KPNA7: variants seen among roughly 807,000 people sequenced by gnomAD.
The protein encoded by KPNA7 is karyopherin subunit alpha 7.
Under a neutral mutation model 53.7 loss-of-function variants are expected in KPNA7, and 54 were observed. The observed-to-expected ratio is 1.01, with a 90% confidence interval of 0.81 to 1.26. The LOEUF (loss-of-function observed/expected upper bound fraction) is 1.26, where lower values mean the gene tolerates loss of function less well. Among genes scored for constraint, KPNA7 ranks in the 50% most tolerant of loss-of-function variants. The probability of loss-of-function intolerance (pLI) is 0.00; values close to 1 mark genes in which losing one functional copy is unlikely to be tolerated. For missense variants in KPNA7, 640 were observed against 644.5 expected, an observed-to-expected ratio of 0.99 and a Z score of 0.07; for synonymous variants, 276 against 259.3, an observed-to-expected ratio of 1.06 and a Z score of -0.62.
chr7:99,165,917 A>T, the KPNA7 span, among the ~76,000 whole-genome samples: 11 of 152,022 alleles, frequency 7.2e-5, no homozygotes, highest in Admixed American at 6.6e-5. Context: ...GCCTGGTAGG[A>T]GGTGATTGGA....
intron 7 of KPNA7, among the ~76,000 whole-genome samples, chr7:99,186,231 C>G (rs1396695680): frequency 6.6e-6 from 1 of 152,136 alleles, no homozygotes; most frequent in Admixed American, 6.6e-5. Flanking sequence ...CAGAAGATCC[C>G]CAGGACAGGT....
the KPNA7 span, among the ~76,000 whole-genome samples, chr7:99,163,379 ATATATTTTTT>A: frequency 1.7e-5 from 1 of 58,850 alleles, no homozygotes; most frequent in Non-Finnish European, 3.2e-5. Flanking sequence ...ATATATATAT[ATATATTTTTT>A]TTTTTTTTTT....
chr7:99,162,733 C>A, the KPNA7 span, among the ~76,000 whole-genome samples: 3 of 152,130 alleles, frequency 2.0e-5, no homozygotes, highest in African/African-American at 7.2e-5. Flanking sequence ...ACAGGGCTTC[C>A]AGCTCTTTTA....
the KPNA7 span, among the ~76,000 whole-genome samples, chr7:99,160,070 G>T: frequency 2.3e-5 from 3 of 133,146 alleles, no homozygotes; most frequent in African/African-American, 5.7e-5. Context: ...TGTTGCCCAG[G>T]TTGGAGTGCA....
At chr7:99,190,148 C>T (rs1014346172) in intron 6 of KPNA7, among the ~76,000 whole-genome samples, 32 of 151,862 alleles carry the variant, frequency 2.1e-4, no homozygotes, top group Admixed American at 1.2e-3. Context: ...ACCAGCCTGG[C>T]CAAGATGGTG....
At chr7:99,204,050 G>T (rs1790677694) in intron 2 of KPNA7, among the ~76,000 whole-genome samples, 1 of 151,380 alleles carries the variant, frequency 6.6e-6, no homozygotes, top group African/African-American at 2.4e-5. Context: ...AGCCATTAAA[G>T]CCTTCATCCC....
intron 6 of KPNA7, among the ~76,000 whole-genome samples, chr7:99,190,873 G>A (rs778316300): frequency 1.8e-4 from 27 of 151,954 alleles, no homozygotes; most frequent in South Asian, 4.2e-4. Flanking sequence ...CCTGGCCCCA[G>A]CTGACCTTGC....
At chr7:99,215,233 G>A (rs1234760847) in intron 1 of KPNA7, among the ~76,000 whole-genome samples, 2 of 151,810 alleles carry the variant, frequency 1.3e-5, no homozygotes, top group Non-Finnish European at 2.9e-5. Flanking sequence ...TTAGCTGGGC[G>A]TGGTGGTGGG....
chr7:99,218,181 G>C (rs887573383), intron 1 of KPNA7, among the ~76,000 whole-genome samples: 8 of 152,058 alleles, frequency 5.3e-5, no homozygotes, highest in African/African-American at 1.7e-4. Flanking sequence ...TTTATTTTTT[G>C]GTAGAGACTG....
chr7:99,158,725 A>T, the KPNA7 span, among the ~76,000 whole-genome samples: 1 of 151,768 alleles, frequency 6.6e-6, no homozygotes, highest in South Asian at 2.1e-4. Flanking sequence ...GCTTGTCTCG[A>T]ACTCCTGACT....
the KPNA7 span, among the ~76,000 whole-genome samples, chr7:99,167,993 A>ACC: frequency 7.4e-6 from 1 of 134,802 alleles, no homozygotes; most frequent in African/African-American, 2.8e-5. Flanking sequence ...CCCCACCCCC[A>ACC]CACCCCTCTA....
chr7:99,215,365 G>GT (rs1791189721), intron 1 of KPNA7, among the ~76,000 whole-genome samples: 1 of 58,158 alleles, frequency 1.7e-5, no homozygotes. Flanking sequence ...GAGCGAGACT[G>GT]TCTCAAAAAA....
chr7:99,184,591 G>A (rs1466403920), intron 8 of KPNA7, among the ~76,000 whole-genome samples: 2 of 152,110 alleles, frequency 1.3e-5, no homozygotes, highest in African/African-American at 2.4e-5. Flanking sequence ...AAAAATAAAA[G>A]CTCCACCCTC....
chr7:99,153,784 C>CA, the KPNA7 span, among the ~76,000 whole-genome samples: 1 of 151,850 alleles, frequency 6.6e-6, no homozygotes, highest in South Asian at 2.1e-4. Flanking sequence ...GCCTGGGCAC[C>CA]ATAGCAAGAC....
intron 10 of KPNA7, among the ~76,000 whole-genome samples, chr7:99,175,071 C>G (rs1021273658): frequency 1.3e-5 from 2 of 152,014 alleles, no homozygotes; most frequent in East Asian, 1.9e-4. Context: ...TTGGCCTCCC[C>G]CAAAGTGCTG....
chr7:99,184,154 C>T (rs1049828809), intron 8 of KPNA7, among the ~76,000 whole-genome samples: 1 of 125,240 alleles, frequency 8.0e-6, no homozygotes. Context: ...TGCCCACAAC[C>T]TTTTTTTTTT....
chr7:99,194,995 C>T lies in KPNA7; in HGVS notation c.553+75G>A, dbSNP rs554729751. On this transcript the variant is annotated intron_variant, in intron 5 of 10. Coordinates refer to ENST00000327442, the MANE Select transcript of KPNA7 (RefSeq NM_001145715.3). ...GTGTTCTGGGACATCGAGTATACCCCACCACCCAAAGAAACCTTATAGTAT... is the reference window on the plus strand; with the variant it reads ...GTGTTCTGGGACATCGAGTATACCCTACCACCCAAAGAAACCTTATAGTAT... 2.3e-4 allele frequency: 340 copies of T among 1,470,612 alleles called. 6 individuals are homozygous for T. The South Asian group carries it at 4.0e-3, about 17-fold the overall frequency. 91.1% of individuals were successfully genotyped at this position (1,470,612 alleles called of 1,614,324 possible). A position where few individuals can be genotyped will look rare whatever the true frequency, so the allele number is the denominator to read the frequency against.
At chr7:99,196,805 G>A (rs1790251658) in intron 3 of KPNA7, among the ~76,000 whole-genome samples, 1 of 152,110 alleles carries the variant, frequency 6.6e-6, no homozygotes, top group Admixed American at 6.6e-5. Context: ...TATTTGATCT[G>A]TCTGGTCATT....
intron 6 of KPNA7, among the ~76,000 whole-genome samples, chr7:99,190,292 GCAC>G (rs1029325011): frequency 6.8e-6 from 1 of 146,068 alleles, no homozygotes; most frequent in African/African-American, 2.6e-5. Context: ...AGCTGAGATT[GCAC>G]CACTGCACTC....
Sources: allele counts gnomAD v4.1 joint callset (sites outside exome capture counted in the v4.1 genomes callset), GRCh38; gene constraint gnomAD v4.1.1; transcripts MANE v1.5; gene names NCBI Gene and HGNC (gene_info 2026-07-23, HGNC 2026-07-21).